RBM44: variants seen among roughly 807,000 people sequenced by gnomAD.
The protein encoded by RBM44 is RNA-binding protein 44.
RBM44 carries 66 observed loss-of-function variants against 105.1 expected under a neutral mutation model. The observed-to-expected ratio is 0.63, with a 90% CI of 0.52 to 0.77. The LOEUF (loss-of-function observed/expected upper bound fraction) is 0.77, where lower values mean the gene tolerates loss of function less well. Ranked by LOEUF, RBM44 falls within the 30% of genes least tolerant of loss-of-function variation. RBM44 has a pLI of 0.00. For synonymous variants in RBM44, 365 were observed against 417.6 expected, an observed-to-expected ratio of 0.87 and a Z score of 1.54; for missense variants, 1,122 against 1,207.8, an observed-to-expected ratio of 0.93 and a Z score of 1.05.
At chr2:237,810,090 T>C (rs1208886699) in intron 1 of RBM44, among the ~76,000 whole-genome samples, 5 of 152,220 alleles carry the variant, frequency 3.3e-5, no homozygotes, top group Non-Finnish European at 5.9e-5. Context: ...TAAAAAATAT[T>C]TCAACATGTA....
rs72987138 is a variant in RBM44, at chr2:237,821,767, A to G, written c.2145A>G (p.Gln715=). 2.3e-3 allele frequency: 3,709 copies of G among 1,610,908 alleles called. 4 individuals are homozygous for G. The highest frequency in any genetic ancestry group is 2.8e-3 in the Non-Finnish European group (3,329 of 1,177,842). ...GCTTTTCAGAAGCAGATGCTGAACAAGATAATCAGAGGGCTCATGATGTTG... is the reference window on the plus strand; with the variant it reads ...GCTTTTCAGAAGCAGATGCTGAACAGGATAATCAGAGGGCTCATGATGTTG... ...THVFSEADAE[Q]DNQRAHDVDV... Residue 715 remains glutamine (Q), a synonymous_variant, in exon 8 of 16, where the codon CAA becomes CAG. Coordinates refer to ENST00000316997, the MANE Select transcript of RBM44 (RefSeq NM_001080504.3).
chr2:237,818,471 G>T lies in RBM44; in HGVS notation c.1552G>T (p.Val518Leu). The T allele has an allele frequency of 6.2e-7, 1 of 1,612,868 alleles. No individual in the cohort carries two copies. The part of the protein sequence containing the change: ...DEWQNEKQKS[V>L]ACSTDWSYSE... The stretch of plus-strand genomic sequence containing the variant: ...ATGGCAAAATGAGAAACAAAAAAGT[G>T]TGGCTTGTAGTACAGATTGGTCATA... Residue 518 changes from valine to leucine, a missense_variant, in exon 3 of 16, where the codon GTG becomes TTG. Val to Leu is a conservative substitution (Grantham distance 32). Around this residue, in one of 3 missense-constraint regions of RBM44, gnomAD observed 918 missense variants for 955.3 expected, o/e 0.96. Coordinates refer to ENST00000316997, the MANE Select transcript of RBM44 (RefSeq NM_001080504.3). This position sits in a 1 kb window ranked among gnomAD's most constrained non-coding sequence, Gnocchi z 4.6.
intron 1 of RBM44, among the ~76,000 whole-genome samples, chr2:237,802,892 A>G (rs1192190374): frequency 2.0e-5 from 3 of 152,246 alleles, no homozygotes; most frequent in Non-Finnish European, 1.5e-5. Flanking sequence ...AATGGTTTTA[A>G]CAATTTGTAT....
intron 2 of RBM44, among the ~76,000 whole-genome samples, chr2:237,814,141 A>G (rs896029692): frequency 6.6e-6 from 1 of 152,194 alleles, no homozygotes; most frequent in African/African-American, 2.4e-5. Context: ...TGTAGCTTAA[A>G]CTATTAAGAT....
At position 237,838,460 on chromosome 2, in the gene RBM44, G is replaced by A. The variant is rs181192112; in HGVS notation, c.*23-3379G>A. 7.2e-5 allele frequency among the ~76,000 whole-genome samples: 11 copies of A among 152,186 alleles called. No homozygotes were observed. In the East Asian group the frequency reaches 1.9e-3, roughly 27 times the overall value. On this transcript the variant is annotated intron_variant, in intron 15 of 15. Coordinates refer to ENST00000316997, the MANE Select transcript of RBM44 (RefSeq NM_001080504.3). ...AGGTACAGGAGACATGAAGATCAAC[G>A]AAGATTAAATATGTGGTAGGTCTCA...
rs201209839 is a variant in RBM44, at chr2:237,817,388, T to C, written c.469T>C (p.Leu157=). 1.2e-6 allele frequency: 2 copies of C among 1,603,182 alleles called. No individual in the cohort carries two copies. The highest frequency in any genetic ancestry group is 2.7e-5 in the African/African-American group (2 of 74,688). The stretch of plus-strand genomic sequence containing the variant: ...GGAACATCAAGATAAGACTGTTGGC[T>C]TGGAAAGAATCTACAATATTTCAGA... ...ILEHQDKTVG[L]ERIYNISDAN... Residue 157 remains leucine (L), a synonymous_variant, in exon 3 of 16, where the codon TTG becomes CTG. Coordinates refer to ENST00000316997, the MANE Select transcript of RBM44 (RefSeq NM_001080504.3).
intron 1 of RBM44, among the ~76,000 whole-genome samples, chr2:237,811,964 C>T (rs907079949): frequency 6.6e-6 from 1 of 152,170 alleles, no homozygotes; most frequent in Non-Finnish European, 1.5e-5. Context: ...AAGTAATTCT[C>T]GTGCCTCAGC....
intron 4 of RBM44, among the ~76,000 whole-genome samples, chr2:237,819,410 C>A (rs986876681): frequency 1.3e-5 from 2 of 151,960 alleles, no homozygotes; most frequent in Non-Finnish European, 2.9e-5. Flanking sequence ...AGTGGAGAAC[C>A]AGGAAGTGGG....
Position 237,823,466 on chromosome 2 carries a change from T to C in RBM44, c.2232T>C (p.His744=), listed in dbSNP as rs1242055901. The change falls in exon 9 of 16, where the codon CAT becomes CAC. Residue 744 remains histidine, a synonymous_variant. Transcript: ENST00000316997. ...TGTCTTTATCATCTGACAATAGTCATGCTACACAAAACATATCACCCAAGA... is the reference window on the plus strand; with the variant it reads ...TGTCTTTATCATCTGACAATAGTCACGCTACACAAAACATATCACCCAAGA... The part of the protein sequence containing the change: ...SQMSLSSDNS[H]ATQNISPKKD... The C allele has an allele frequency of 6.6e-7, 1 of 1,520,746 alleles. No individual in the cohort carries two copies. Among genetic ancestry groups the C allele is most frequent in the Non-Finnish European group, 8.9e-7 (1 of 1,119,326 alleles). The allele number at this position is 1,520,746 out of a possible 1,614,324, so 94.2% of individuals were successfully genotyped here. A position where few individuals can be genotyped will look rare whatever the true frequency, so the allele number is the denominator to read the frequency against.
intron 1 of RBM44, among the ~76,000 whole-genome samples, chr2:237,804,732 C>A (rs908039738): frequency 6.6e-6 from 1 of 152,124 alleles, no homozygotes; most frequent in Non-Finnish European, 1.5e-5. Context: ...AAATATCTTC[C>A]CCCATTCTAT....
In RBM44 at chr2:237,818,435, C is replaced by T. The variant is rs759930988; in HGVS notation, c.1516C>T (p.Arg506Ter). 5.6e-6 allele frequency: 9 copies of T among 1,612,840 alleles called. No individual in the cohort carries two copies. Among genetic ancestry groups the T allele is most frequent in the South Asian group, 4.4e-5 (4 of 91,014 alleles). The change falls in exon 3 of 16, where the codon CGA (arginine) becomes TGA (stop). Residue 506 changes from arginine to a stop codon, truncating the protein, a stop_gained. Transcript: ENST00000316997. LOFTEE classifies it high-confidence loss of function. This position sits in a 1 kb window ranked among gnomAD's most constrained non-coding sequence, Gnocchi z 4.6. ...AGAGATAACAATGATGAATAAAAAA[C>T]GACCTGATGAATGGCAAAATGAGAA... Reference protein sequence around the residue: ...NTEITMMNKKRPDEWQNEKQK... With the variant: ...NTEITMMNKK
rs1371875589 is a variant in RBM44 at position 237,817,109 on chromosome 2, A to G, written c.190A>G (p.Asn64Asp). 1 of 1,608,768 alleles carries G rather than the reference A, an allele frequency of 6.2e-7. No individual in the cohort carries two copies. The stretch of plus-strand genomic sequence containing the variant: ...TTCTTCGACACTAGAGCAAAGAGCT[A>G]ATAATAAAGAAATCAGCAATATTGA... Reference protein sequence around the residue: ...WNSSTLEQRANNKEISNIDKM... With the variant: ...WNSSTLEQRADNKEISNIDKM... Residue 64 changes from asparagine to aspartate, a missense_variant, in exon 3 of 16, where the codon AAT becomes GAT. Coordinates refer to ENST00000316997, the MANE Select transcript of RBM44 (RefSeq NM_001080504.3).
intron 1 of RBM44, among the ~76,000 whole-genome samples, 163 bp from the exon 2 acceptor site, chr2:237,813,428 GA>G (rs1034977571): frequency 6.6e-6 from 1 of 152,134 alleles, no homozygotes; most frequent in Non-Finnish European, 1.5e-5. Flanking sequence ...TGGTCTTTAA[GA>G]CTCAATTTTT....
intron 15 of RBM44, among the ~76,000 whole-genome samples, chr2:237,838,584 A>G (rs1327208104): frequency 1.3e-5 from 2 of 152,224 alleles, no homozygotes; most frequent in Non-Finnish European, 2.9e-5. Flanking sequence ...GAGGGGATTA[A>G]GTATTCTTAC....
intron 10 of RBM44, among the ~76,000 whole-genome samples, chr2:237,826,505 T>C (rs1183020285): frequency 1.3e-5 from 2 of 152,224 alleles, no homozygotes; most frequent in African/African-American, 4.8e-5. Context: ...TATTGCAAGC[T>C]ATATATTATA....
intron 15 of RBM44, among the ~76,000 whole-genome samples, chr2:237,839,576 G>C (rs150973582): frequency 1.6e-3 from 236 of 152,188 alleles, no homozygotes; most frequent in African/African-American, 5.5e-3. Flanking sequence ...GCCCCTAAAA[G>C]AACAATTTTC....
chr2:237,815,571 A>T (rs911333820), intron 2 of RBM44, among the ~76,000 whole-genome samples: 3 of 152,008 alleles, frequency 2.0e-5, no homozygotes, highest in African/African-American at 7.2e-5. Flanking sequence ...ATTGTGATGA[A>T]TTTTTTTTAA....
At chr2:237,819,682 A>G (rs780270319) in intron 4 of RBM44, among the ~76,000 whole-genome samples, 1 of 152,042 alleles carries the variant, frequency 6.6e-6, no homozygotes, top group Non-Finnish European at 1.5e-5. Flanking sequence ...ATAGTACAGC[A>G]AAATATTTGC....
intron 4 of RBM44, among the ~76,000 whole-genome samples, 187 bp downstream of exon 4, chr2:237,819,146 T>G (rs1346537278): frequency 6.6e-6 from 1 of 152,106 alleles, no homozygotes; most frequent in African/African-American, 2.4e-5. Flanking sequence ...CTTCACTTAT[T>G]GAGATTTCAG....
Sources: allele counts gnomAD v4.1 joint callset (sites outside exome capture counted in the v4.1 genomes callset), GRCh38; gene constraint gnomAD v4.1.1; regional missense constraint gnomAD v4.1.1; non-coding constraint Gnocchi (gnomAD v3.1); transcripts MANE v1.5; gene names NCBI Gene and HGNC (gene_info 2026-07-23, HGNC 2026-07-21).